Variants in NTM observed in about 807,000 individuals in gnomAD.
NTM encodes the protein neurotrimin, also known as IgLON family member 2.
NTM carries 13 observed loss-of-function variants against 42.1 expected under a neutral mutation model. That is an observed-to-expected ratio of 0.31 (90% CI 0.20 to 0.49). The LOEUF is 0.49. Ranked by LOEUF, NTM falls within the 20% of genes least tolerant of loss-of-function variation. The pLI is 0.99. For missense variants in NTM, 373 were observed against 452.8 expected, an observed-to-expected ratio of 0.82 and a Z score of 1.60; for synonymous variants, 187 against 179.2, an observed-to-expected ratio of 1.04 and a Z score of -0.35.
intron 4 of NTM, among the ~76,000 whole-genome samples, chr11:132,220,028 C>G (rs1336534268): frequency 6.6e-6 from 1 of 152,194 alleles, no homozygotes; most frequent in Non-Finnish European, 1.5e-5. Context: ...CCCCAAGAAG[C>G]TATCCCAGGA....
At chr11:131,993,235 G>A (rs908111660) in intron 2 of NTM, among the ~76,000 whole-genome samples, 1 of 152,114 alleles carries the variant, frequency 6.6e-6, no homozygotes, top group Admixed American at 6.5e-5. Context: ...TCTTGGGAGT[G>A]CATTGCAGTC....
intron 2 of NTM, among the ~76,000 whole-genome samples, chr11:131,931,410 G>A (rs2058587203): frequency 6.6e-6 from 1 of 151,774 alleles, no homozygotes; most frequent in African/African-American, 2.4e-5. Context: ...CTGCAGTCCA[G>A]CCTGGGCTAC....
intron 1 of NTM, chr11:131,795,042 G>A: frequency 1.0e-6 from 1 of 962,034 alleles, no homozygotes; most frequent in Non-Finnish European, 1.2e-6. Flanking sequence ...TAGCCAAAGG[G>A]GGGGAAAAAA....
chr11:131,595,937 C>A (rs1434893996), intron 1 of NTM, among the ~76,000 whole-genome samples: 1 of 152,200 alleles, frequency 6.6e-6, no homozygotes, highest in Admixed American at 6.5e-5. Flanking sequence ...ATACGGGAGC[C>A]CATGCCTGGA....
intron 1 of NTM, among the ~76,000 whole-genome samples, chr11:131,874,022 TA>T (rs1263460558): frequency 1.4e-5 from 1 of 71,298 alleles, no homozygotes; most frequent in Admixed American, 2.6e-4. Context: ...ATTTATATAA[TA>T]TAATATAATA....
chr11:131,870,057 C>G (rs1592401332), intron 1 of NTM, among the ~76,000 whole-genome samples: 1 of 152,178 alleles, frequency 6.6e-6, no homozygotes, highest in African/African-American at 2.4e-5. Context: ...ATGGCCCTCA[C>G]CTTCAGGAGG....
intron 1 of NTM, among the ~76,000 whole-genome samples, chr11:131,838,576 A>C (rs995703222): frequency 6.6e-6 from 1 of 152,194 alleles, no homozygotes; most frequent in African/African-American, 2.4e-5. Context: ...GTAAAGTGCC[A>C]GTATCCAGGG....
At chr11:131,384,226 T>TA (rs1943039386) in intron 1 of NTM, among the ~76,000 whole-genome samples, 2 of 152,038 alleles carry the variant, frequency 1.3e-5, no homozygotes, top group South Asian at 2.1e-4. Context: ...AAGGAATACA[T>TA]AAAAAAGAAT....
chr11:131,418,162 C>T (rs965027373), intron 1 of NTM, among the ~76,000 whole-genome samples: 2 of 152,140 alleles, frequency 1.3e-5, no homozygotes, highest in East Asian at 3.9e-4. Flanking sequence ...GTATCCAATC[C>T]TTTTTGCCAC....
At chr11:131,862,296 A>C (rs1232514491) in intron 1 of NTM, among the ~76,000 whole-genome samples, 2 of 152,202 alleles carry the variant, frequency 1.3e-5, no homozygotes, top group African/African-American at 2.4e-5. Context: ...GACTTAAAGA[A>C]GTAATTTTAA....
intron 1 of NTM, among the ~76,000 whole-genome samples, chr11:131,858,777 A>G (rs1437408718): frequency 1.3e-5 from 2 of 152,234 alleles, no homozygotes; most frequent in East Asian, 1.9e-4. Context: ...AGACTAGCAC[A>G]TAATCTGTGG....
At chr11:132,279,468 G>A (rs1316052857) in intron 4 of NTM, among the ~76,000 whole-genome samples, 5 of 152,154 alleles carry the variant, frequency 3.3e-5, no homozygotes, top group South Asian at 2.1e-4. Flanking sequence ...CCTTTTGCTT[G>A]TCATGTTTAG....
At chr11:131,691,306 C>T (rs754273033) in intron 1 of NTM, among the ~76,000 whole-genome samples, 1 of 152,232 alleles carries the variant, frequency 6.6e-6, no homozygotes, top group Non-Finnish European at 1.5e-5. Context: ...GGCCGGGGGC[C>T]GCGGGGAGTT....
intron 1 of NTM, among the ~76,000 whole-genome samples, chr11:131,667,209 C>T (rs2069220718): frequency 6.6e-6 from 1 of 152,164 alleles, no homozygotes; most frequent in African/African-American, 2.4e-5. Context: ...GCAGAATCTA[C>T]AAAGCCTGTG....
chr11:131,965,488 TTTAA>T (rs1421564160), intron 2 of NTM, among the ~76,000 whole-genome samples: 19 of 152,318 alleles, frequency 1.2e-4, no homozygotes, highest in South Asian at 1.0e-3. Flanking sequence ...GGCACATTAT[TTTAA>T]TTAATTATTA....
intron 4 of NTM, among the ~76,000 whole-genome samples, chr11:132,275,701 T>TGTATATATATATGTATATATATAC (rs1229148092): frequency 8.7e-5 from 10 of 115,564 alleles, no homozygotes; most frequent in African/African-American, 3.1e-4. Flanking sequence ...TATATATATA[T>TGTATATATATATGTATATATATAC]GTATATATAT....
At chr11:132,330,217 G>A (rs1385591390) in intron 8 of NTM, 32 bp downstream of exon 8, 1 of 1,542,988 alleles carries the variant, frequency 6.5e-7, no homozygotes, top group East Asian at 2.4e-5. Flanking sequence ...CTGCTGCCTT[G>A]GTGGGTGTGG....
Position 131,796,250 on chromosome 11 carries a change from G to A in NTM, c.83-115314G>A, listed in dbSNP as rs577473385. ...TGTGGAAGAGGCCATGCACAGGTGCGGCCCAGCCCTCTCAGGAGTAGAGGC... is the reference window on the plus strand; with the variant it reads ...TGTGGAAGAGGCCATGCACAGGTGCAGCCCAGCCCTCTCAGGAGTAGAGGC... On this transcript the variant is annotated intron_variant, in intron 1 of 8. Coordinates refer to ENST00000683400, the MANE Select transcript of NTM (RefSeq NM_001352005.2). 41 of 824,096 alleles carry A rather than the reference G, an allele frequency of 5.0e-5. No individual in the cohort carries two copies. In the Admixed American group the frequency reaches 7.5e-4, roughly 15 times the overall value. The allele number at this position is 824,096 out of a possible 1,614,324, so 51.0% of individuals were successfully genotyped here. A position where few individuals can be genotyped will look rare whatever the true frequency, so the allele number is the denominator to read the frequency against.
At chr11:131,493,483 G>A (rs1193536722) in intron 1 of NTM, among the ~76,000 whole-genome samples, 1 of 152,014 alleles carries the variant, frequency 6.6e-6, no homozygotes, top group Non-Finnish European at 1.5e-5. Context: ...TTCATAAAGG[G>A]GAAAATTCTC....
Sources: allele counts gnomAD v4.1 joint callset (sites outside exome capture counted in the v4.1 genomes callset), GRCh38; gene constraint gnomAD v4.1.1; transcripts MANE v1.5; gene names NCBI Gene and HGNC (gene_info 2026-07-23, HGNC 2026-07-21).